The following GRM3 variants were observed in gnomAD, a reference collection of about 807,000 sequenced individuals.
GRM3 encodes metabotropic glutamate receptor 3.
Under a neutral mutation model 70.5 loss-of-function variants are expected in GRM3, and 26 were observed. The observed-to-expected ratio is 0.37, with a 90% CI of 0.27 to 0.51. The LOEUF is 0.51. Ranked by LOEUF, GRM3 falls within the 20% of genes least tolerant of loss-of-function variation. GRM3 has a pLI of 0.93. For synonymous variants in GRM3, 443 were observed against 434.9 expected (o/e 1.02, Z -0.23); for missense variants, 859 against 1,123.8 (o/e 0.76, Z 3.37).
intron 3 of GRM3, among the ~76,000 whole-genome samples, chr7:86,820,384 G>T (rs1798095847): frequency 6.6e-6 from 1 of 152,056 alleles, no homozygotes; most frequent in African/African-American, 2.4e-5. Context: ...GGACATTACT[G>T]TTACCTCTAG....
chr7:86,717,031 G>T (rs912577071), intron 1 of GRM3, among the ~76,000 whole-genome samples: 24 of 151,930 alleles, frequency 1.6e-4, no homozygotes, highest in Admixed American at 5.3e-4. Context: ...TCCTGCCTCA[G>T]TTCCCTCAAT....
chr7:86,735,976 G>C (rs531821843), intron 1 of GRM3, among the ~76,000 whole-genome samples: 3 of 152,248 alleles, frequency 2.0e-5, no homozygotes, highest in South Asian at 4.1e-4. Context: ...ATATAGACTT[G>C]CCCAAGGCTG....
At chr7:86,660,321 A>G (rs1476945623) in intron 1 of GRM3, among the ~76,000 whole-genome samples, 2 of 152,030 alleles carry the variant, frequency 1.3e-5, no homozygotes, top group Non-Finnish European at 2.9e-5. Context: ...CTTGTATCCT[A>G]GGAGAAGAGC....
rs149995960 is a variant in GRM3, at chr7:86,760,123, A to G, written c.-140-4883A>G. Among the ~76,000 whole-genome samples the G allele has an allele frequency of 5.6e-3, 853 of 152,276 alleles. 5 individuals are homozygous for G. Among genetic ancestry groups the G allele is most frequent in the African/African-American group, 0.02 (825 of 41,566 alleles). ...CAACTTAAGGATTTATTTCTGGGAA[A>G]GAGTATGTATGGTTTCTGGCATTTT... On this transcript the variant is annotated intron_variant, in intron 1 of 5. Coordinates refer to ENST00000361669, the MANE Select transcript of GRM3 (RefSeq NM_000840.3).
In GRM3 at chr7:86,787,129, C is replaced by A. The variant is rs1369722122; in HGVS notation, c.1324+13C>A. On this transcript the variant is annotated intron_variant, in intron 3 of 5. Coordinates refer to ENST00000361669, the MANE Select transcript of GRM3 (RefSeq NM_000840.3). ...ATCAACTTCACGGGTAAGCCAAGAGCCTTTAAACATCTTCTCAGATGCAAA... is the reference window on the plus strand; with the variant it reads ...ATCAACTTCACGGGTAAGCCAAGAGACTTTAAACATCTTCTCAGATGCAAA... 1.9e-6 allele frequency: 3 copies of A among 1,581,306 alleles called. No individual in the cohort carries two copies. Among genetic ancestry groups the A allele is most frequent in the Non-Finnish European group, 2.6e-6 (3 of 1,160,720 alleles).
In GRM3 at chr7:86,839,226, G is replaced by A; in HGVS notation, c.1712G>A (p.Arg571Lys). The change falls in exon 4 of 6, where the codon AGG becomes AAG. Residue 571 changes from arginine (R) to lysine (K), a missense_variant. Coordinates refer to ENST00000361669, the MANE Select transcript of GRM3 (RefSeq NM_000840.3). This position sits in a 1 kb window ranked among gnomAD's most constrained non-coding sequence, Gnocchi z 4.5. ...TATGACCTTCCTGAGGACTACATCAGGTGGGAAGACGCCTGGGCCATTGGC... is the reference window on the plus strand; with the variant it reads ...TATGACCTTCCTGAGGACTACATCAAGTGGGAAGACGCCTGGGCCATTGGC... ...GCYDLPEDYI[R>K]WEDAWAIGPV... The A allele has an allele frequency of 1.2e-6, 2 of 1,614,036 alleles. No individual in the cohort carries two copies. Among genetic ancestry groups the A allele is most frequent in the Non-Finnish European group, 1.7e-6 (2 of 1,179,870 alleles).
chr7:86,734,518 G>A (rs1795811294), intron 1 of GRM3, among the ~76,000 whole-genome samples: 1 of 152,174 alleles, frequency 6.6e-6, no homozygotes, highest in African/African-American at 2.4e-5. Flanking sequence ...AATCTATTCA[G>A]ACATGTTAGG....
chr7:86,734,795 T>C (rs1795817019), intron 1 of GRM3, among the ~76,000 whole-genome samples: 1 of 152,150 alleles, frequency 6.6e-6, no homozygotes, highest in Non-Finnish European at 1.5e-5. Flanking sequence ...ACTTCCATAG[T>C]CCCCTCCTCA....
intron 1 of GRM3, among the ~76,000 whole-genome samples, chr7:86,749,627 A>G (rs950491465): frequency 2.0e-5 from 3 of 152,078 alleles, no homozygotes; most frequent in African/African-American, 7.2e-5. Context: ...GTCGTGACCT[A>G]GAAGAAAAGT....
chr7:86,838,717 T>C (rs1562878974), intron 3 of GRM3, 122 bp from the exon 4 acceptor site: 7 of 626,988 alleles, frequency 1.1e-5, no homozygotes, highest in Non-Finnish European at 1.9e-5. Flanking sequence ...AACTGATAAA[T>C]TATTTCAGCC....
chr7:86,796,978 T>C (rs1237550400), intron 3 of GRM3, among the ~76,000 whole-genome samples: 2 of 152,236 alleles, frequency 1.3e-5, no homozygotes, highest in Non-Finnish European at 2.9e-5. Context: ...ATGTAAGATA[T>C]GCCTTTGCTC....
At chr7:86,796,686 C>T (rs1054144322) in intron 3 of GRM3, among the ~76,000 whole-genome samples, 2 of 152,158 alleles carry the variant, frequency 1.3e-5, no homozygotes, top group African/African-American at 2.4e-5. Context: ...TTCTTCCTAT[C>T]CATGAGCATG....
At chr7:86,821,244 T>C (rs1179487587) in intron 3 of GRM3, among the ~76,000 whole-genome samples, 1 of 152,066 alleles carries the variant, frequency 6.6e-6, no homozygotes, top group Non-Finnish European at 1.5e-5. Context: ...CTAATTTAGG[T>C]AAATGAAGTC....
chr7:86,763,690 A>C (rs1796533486), intron 1 of GRM3, among the ~76,000 whole-genome samples: 2 of 152,148 alleles, frequency 1.3e-5, no homozygotes, highest in South Asian at 4.1e-4. Flanking sequence ...CATTCATTGC[A>C]CTACCTGAGA....
intron 1 of GRM3, among the ~76,000 whole-genome samples, chr7:86,691,313 T>G (rs1436521854): frequency 1.3e-5 from 2 of 152,126 alleles, no homozygotes; most frequent in African/African-American, 4.8e-5. Flanking sequence ...CCTCATACTC[T>G]CACACACTGC....
intron 1 of GRM3, among the ~76,000 whole-genome samples, chr7:86,763,018 C>A (rs946828864): frequency 6.6e-6 from 1 of 152,028 alleles, no homozygotes; most frequent in African/African-American, 2.4e-5. Context: ...AATCTGTGGG[C>A]AAGGGAAACT....
intron 3 of GRM3, among the ~76,000 whole-genome samples, chr7:86,814,311 C>T (rs1797974019): frequency 1.3e-5 from 2 of 151,594 alleles, no homozygotes; most frequent in Admixed American, 1.3e-4. Flanking sequence ...TCTGTGAGAA[C>T]CTGGTACACC....
chr7:86,720,985 T>C (rs1584192308), intron 1 of GRM3, among the ~76,000 whole-genome samples: 1 of 151,998 alleles, frequency 6.6e-6, no homozygotes, highest in East Asian at 1.9e-4. Flanking sequence ...ATAAGCAAGG[T>C]AACAGGAGCA....
chr7:86,783,180 G>C (rs558508775), intron 2 of GRM3, among the ~76,000 whole-genome samples: 28 of 152,254 alleles, frequency 1.8e-4, no homozygotes, highest in Non-Finnish European at 2.4e-4. Context: ...TATGTTAAAA[G>C]GAAAGTTCCT....
Sources: allele counts gnomAD v4.1 joint callset (sites outside exome capture counted in the v4.1 genomes callset), GRCh38; gene constraint gnomAD v4.1.1; non-coding constraint Gnocchi (gnomAD v3.1); transcripts MANE v1.5; gene names NCBI Gene and HGNC (gene_info 2026-07-23, HGNC 2026-07-21).